The following MKLN1 variants were observed in gnomAD, a reference collection of about 807,000 sequenced individuals.
MKLN1 encodes the protein muskelin 1, also known as muskelin.
In MKLN1, 18 loss-of-function variants were observed where a neutral mutation model predicts 99.0. The ratio of observed to expected loss-of-function variants is 0.18; its 90% confidence interval spans 0.13 to 0.27. MKLN1 has a LOEUF of 0.27. Among genes scored for constraint, MKLN1 ranks in the 10% least tolerant of loss-of-function variants. The pLI, the probability that MKLN1 is intolerant of heterozygous loss-of-function variation, is 1.00. For synonymous variants in MKLN1, 288 were observed against 293.2 expected (o/e 0.98, Z 0.18); for missense variants, 621 against 875.9 (o/e 0.71, Z 3.67).
At chr7:131,452,848 C>T (rs887321985) in intron 12 of MKLN1, among the ~76,000 whole-genome samples, 8 of 152,104 alleles carry the variant, frequency 5.3e-5, no homozygotes, top group Admixed American at 3.3e-4. Context: ...TGCACCCGGC[C>T]GATCCTTTTA....
At chr7:131,471,027 G>A (rs1421927461) in intron 16 of MKLN1, 83 bp downstream of exon 16, 6 of 920,118 alleles carry the variant, frequency 6.5e-6, no homozygotes, top group Admixed American at 5.2e-5. Flanking sequence ...TTGCTCTTGA[G>A]TGTGTAAAGG....
intron 1 of MKLN1, among the ~76,000 whole-genome samples, chr7:131,362,694 CT>C (rs1170883454): frequency 1.3e-5 from 2 of 152,008 alleles, no homozygotes; most frequent in African/African-American, 4.8e-5. Flanking sequence ...TTTCCAACCT[CT>C]TTTCCCTTAC....
intron 1 of MKLN1, among the ~76,000 whole-genome samples, chr7:131,133,819 G>GTTTTTTTTTTTTTTTTTTTTTTT (rs1563226557): frequency 1.5e-5 from 1 of 67,236 alleles, no homozygotes; most frequent in Non-Finnish European, 3.1e-5. Context: ...TTTTTAATTT[G>GTTTTTTTTTTTTTTTTTTTTTTT]GTTTTTTTTT....
intron 3 of MKLN1, among the ~76,000 whole-genome samples, chr7:131,235,250 G>T (rs1312863446): frequency 6.6e-6 from 1 of 151,742 alleles, no homozygotes; most frequent in Non-Finnish European, 1.5e-5. Context: ...CTCTGTCTTT[G>T]TGTGTGTGGG....
chr7:131,327,781 C>CG, upstream of MKLN1: 1 of 1,438,038 alleles, frequency 7.0e-7, no homozygotes, highest in Non-Finnish European at 9.1e-7. Flanking sequence ...GGTAACGATG[C>CG]GGGGCGGGGA....
At chr7:131,265,133 C>A (rs1304696676) in intron 3 of MKLN1, among the ~76,000 whole-genome samples, 1 of 152,162 alleles carries the variant, frequency 6.6e-6, no homozygotes, top group African/African-American at 2.4e-5. Flanking sequence ...AGCCACCGCG[C>A]CTGTCCTGTT....
chr7:131,432,605 G>C (rs534197860), intron 9 of MKLN1, among the ~76,000 whole-genome samples: 6 of 151,998 alleles, frequency 3.9e-5, no homozygotes, highest in Non-Finnish European at 1.5e-5. Flanking sequence ...CTGCCACCAC[G>C]CCTGGCTAAT....
chr7:131,387,209 A>G lies in MKLN1; in HGVS notation c.258A>G (p.Lys86=), dbSNP rs757984527. The change falls in exon 3 of 18, where the codon AAA becomes AAG. Residue 86 remains lysine (K), a synonymous_variant. Coordinates refer to ENST00000352689, the MANE Select transcript of MKLN1 (RefSeq NM_013255.5). ...AAACTCATGTTTGCAATTTGAAGAA[A>G]TTTAAAGTCTTTGGTGGAATGAATG... ...YEKTHVCNLK[K]FKVFGGMNEE... 1 of 1,613,084 alleles carries G rather than the reference A, an allele frequency of 6.2e-7. No homozygotes were observed. Among genetic ancestry groups the G allele is most frequent in the South Asian group, 1.1e-5 (1 of 90,950 alleles).
chr7:131,240,302 C>T lies in MKLN1; in HGVS notation c.-179+37328C>T, dbSNP rs997584704. Among the ~76,000 whole-genome samples the T allele has an allele frequency of 7.2e-5, 11 of 152,276 alleles. 1 individual carries two copies. Among genetic ancestry groups the T allele is most frequent in the Admixed American group, 5.9e-4 (9 of 15,282 alleles). Reference sequence around the variant, plus strand: ...TACAAATTAAGGGGAGGTAACTCTCCTTAATGTATAAGGAGCAGACTGTGA... The same window carrying T: ...TACAAATTAAGGGGAGGTAACTCTCTTTAATGTATAAGGAGCAGACTGTGA... On this transcript the variant is annotated intron_variant, in intron 3 of 7. Coordinates refer to the MKLN1 transcript ENST00000416992.
rs530727171 is a variant in MKLN1 at position 131,359,400 on chromosome 7, CAT to C, written c.99-16019_99-16018del. The stretch of plus-strand genomic sequence containing the variant: ...ATCTTCAACTCTTTTACATTACTAA[CAT>C]ATATTTTATCATCTTCCTTGGTGAA... On this transcript the variant is annotated intron_variant, in intron 1 of 17. Transcript: ENST00000352689. Among the ~76,000 whole-genome samples the C allele has an allele frequency of 2.4e-4, 36 of 152,262 alleles. No homozygotes were observed. The East Asian group carries it at 6.9e-3, about 29-fold the overall frequency.
rs1797438395 is a variant in MKLN1 at position 131,492,124 on chromosome 7, C to T, written c.*4396C>T. 1 of 152,174 alleles carries T rather than the reference C, an allele frequency of 6.6e-6. No individual in the cohort carries two copies. Among genetic ancestry groups the T allele is most frequent in the South Asian group, 2.1e-4 (1 of 4,834 alleles). 9.4% of individuals were successfully genotyped at this position (152,174 alleles called of 1,614,324 possible). On this transcript the variant is annotated 3_prime_UTR_variant, in exon 18 of 18. Transcript: ENST00000352689. ...GCCTCTTTTTCTGGCATTAGGATCT[C>T]TTGTCATAGAACTATTGGTAAAGTA...
At chr7:131,229,534 A>T (rs1327727337) in intron 3 of MKLN1, among the ~76,000 whole-genome samples, 2 of 84,120 alleles carry the variant, frequency 2.4e-5, no homozygotes, top group Non-Finnish European at 5.6e-5. Context: ...CTCTTTTCAG[A>T]CATGTGTGTG....
At chr7:131,158,727 A>G (rs1414323979) in intron 2 of MKLN1, among the ~76,000 whole-genome samples, 1 of 152,216 alleles carries the variant, frequency 6.6e-6, no homozygotes, top group Non-Finnish European at 1.5e-5. Context: ...ACATGGTAGA[A>G]TAGAAAATGG....
chr7:131,369,359 C>T (rs1454104431), intron 1 of MKLN1, among the ~76,000 whole-genome samples: 1 of 152,044 alleles, frequency 6.6e-6, no homozygotes, highest in Admixed American at 6.6e-5. Context: ...ATCTTTTCTC[C>T]CTAATTTTCT....
At chr7:131,466,150 A>T in intron 14 of MKLN1, 126 bp from the exon 15 acceptor site, 1 of 605,342 alleles carries the variant, frequency 1.7e-6, no homozygotes, top group Non-Finnish European at 2.6e-6. Context: ...TTTTGGTAAA[A>T]ATGCAGTATA....
At chr7:131,473,140 G>T (rs769058075) in intron 16 of MKLN1, among the ~76,000 whole-genome samples, 1 of 152,054 alleles carries the variant, frequency 6.6e-6, no homozygotes, top group East Asian at 1.9e-4. Context: ...AGTCTGTTTG[G>T]GGGGAAGAAA....
chr7:131,321,192 A>G (rs760229717), intron 3 of MKLN1, among the ~76,000 whole-genome samples: 4 of 152,222 alleles, frequency 2.6e-5, no homozygotes, highest in East Asian at 3.8e-4. Flanking sequence ...ATGCCCATCA[A>G]TGACAAGCTG....
intron 1 of MKLN1, among the ~76,000 whole-genome samples, chr7:131,125,955 G>A (rs1216705802): frequency 2.0e-5 from 3 of 148,662 alleles, no homozygotes; most frequent in African/African-American, 5.0e-5. Context: ...GCAGTGAGCC[G>A]AGATCACGCC....
At chr7:131,127,186 A>AC (rs1795477654) in intron 1 of MKLN1, among the ~76,000 whole-genome samples, 1 of 151,708 alleles carries the variant, frequency 6.6e-6, no homozygotes, top group African/African-American at 2.4e-5. Context: ...AAAAAAAGAA[A>AC]GAAAAGAATA....
Sources: allele counts gnomAD v4.1 joint callset (sites outside exome capture counted in the v4.1 genomes callset), GRCh38; gene constraint gnomAD v4.1.1; transcripts MANE v1.5; gene names NCBI Gene and HGNC (gene_info 2026-07-23, HGNC 2026-07-21).